The following SHROOM3 variants were observed in gnomAD, a reference collection of about 807,000 sequenced individuals.
SHROOM3 encodes shroom family member 3.
A neutral mutation model predicts 138.6 loss-of-function variants in SHROOM3; 47 were observed. That is an observed-to-expected ratio of 0.34 (90% CI 0.27 to 0.43). SHROOM3 has a LOEUF of 0.43. SHROOM3 is among the 20% of genes least tolerant of loss of function. SHROOM3 has a pLI of 1.00. For synonymous variants in SHROOM3, 1,062 were observed against 1,063.3 expected (o/e 1.00, Z 0.02); for missense variants, 2,491 against 2,596.5 (o/e 0.96, Z 0.88).
At chr4:76,593,654 G>A (rs1734321904) in intron 2 of SHROOM3, among the ~76,000 whole-genome samples, 1 of 152,176 alleles carries the variant, frequency 6.6e-6, no homozygotes, top group African/African-American at 2.4e-5. Context: ...GTGAGAACTT[G>A]ACTTCTAAGA....
intron 2 of SHROOM3, among the ~76,000 whole-genome samples, chr4:76,702,455 A>C (rs1444464087): frequency 6.6e-6 from 1 of 152,212 alleles, no homozygotes; most frequent in Non-Finnish European, 1.5e-5. Context: ...TATACATATT[A>C]ATTCATTCAA....
At chr4:76,658,175 A>G (rs1736105883) in intron 2 of SHROOM3, among the ~76,000 whole-genome samples, 1 of 152,368 alleles carries the variant, frequency 6.6e-6, no homozygotes, top group South Asian at 2.1e-4. Context: ...GCATCCACCG[A>G]CTGTGAGGAT....
intron 1 of SHROOM3, among the ~76,000 whole-genome samples, chr4:76,542,817 A>G (rs1733134085): frequency 1.3e-5 from 2 of 152,246 alleles, no homozygotes; most frequent in South Asian, 4.1e-4. Flanking sequence ...GGAAACTAAT[A>G]CAGTGGTAAA....
chr4:76,774,495 A>G (rs1021886059), intron 10 of SHROOM3, among the ~76,000 whole-genome samples: 1 of 152,158 alleles, frequency 6.6e-6, no homozygotes, highest in East Asian at 1.9e-4. Flanking sequence ...AAATTTTTTT[A>G]ATCTGCAGCC....
At chr4:76,667,548 A>C (rs1424516389) in intron 2 of SHROOM3, among the ~76,000 whole-genome samples, 1 of 152,062 alleles carries the variant, frequency 6.6e-6, no homozygotes, top group Non-Finnish European at 1.5e-5. Context: ...TCATGGGCTC[A>C]AGCAATCCTT....
At chr4:76,479,711 A>G (rs1009465856) in intron 1 of SHROOM3, among the ~76,000 whole-genome samples, 1 of 152,214 alleles carries the variant, frequency 6.6e-6, no homozygotes, top group Non-Finnish European at 1.5e-5. Context: ...GAAGGAAAAT[A>G]CGTTAAGGGC....
At chr4:76,528,236 T>A (rs1257916799) in intron 1 of SHROOM3, among the ~76,000 whole-genome samples, 1 of 152,200 alleles carries the variant, frequency 6.6e-6, no homozygotes, top group African/African-American at 2.4e-5. Flanking sequence ...CAATTTCTAC[T>A]TGGTAATAGA....
intron 2 of SHROOM3, among the ~76,000 whole-genome samples, chr4:76,615,015 C>G (rs2110063185): frequency 6.6e-6 from 1 of 152,280 alleles, no homozygotes; most frequent in East Asian, 1.9e-4. Context: ...GGAAAAATGA[C>G]TGTTGCCCTC....
chr4:76,769,961 T>C (rs1290292537), intron 9 of SHROOM3, among the ~76,000 whole-genome samples: 1 of 152,186 alleles, frequency 6.6e-6, no homozygotes, highest in East Asian at 1.9e-4. Context: ...CTGTTTACTC[T>C]ACCTGCCTAC....
chr4:76,665,979 T>C (rs1718681900), intron 2 of SHROOM3, among the ~76,000 whole-genome samples: 1 of 152,150 alleles, frequency 6.6e-6, no homozygotes. Context: ...ACTACAGAAA[T>C]CTTTAAGTGC....
intron 1 of SHROOM3, among the ~76,000 whole-genome samples, chr4:76,541,555 T>G (rs11097405): frequency 6.6e-6 from 1 of 151,700 alleles, no homozygotes; most frequent in African/African-American, 2.4e-5. Flanking sequence ...GGCAGGGGCT[T>G]GGGGAATTCA....
At chr4:76,446,541 TG>T (rs1730809665) in intron 1 of SHROOM3, among the ~76,000 whole-genome samples, 1 of 152,114 alleles carries the variant, frequency 6.6e-6, no homozygotes, top group African/African-American at 2.4e-5. Context: ...TCTGGTTGTT[TG>T]GGTGGGGTAT....
Position 76,462,944 on chromosome 4 carries a change from G to A in SHROOM3, c.168+26724G>A, listed in dbSNP as rs142836614. 3.9e-3 allele frequency among the ~76,000 whole-genome samples: 592 copies of A among 152,240 alleles called. 4 individuals carry two copies. The highest frequency in any genetic ancestry group is 0.013 in the African/African-American group (544 of 41,548). ...CTCAGGTAGTTCTTTATAGCAGTGC[G>A]AGAATGGACTAATATGGAAAATTGG... On this transcript the variant is annotated intron_variant, in intron 1 of 10. Transcript: ENST00000296043.
chr4:76,693,022 A>G (rs1241071533), intron 2 of SHROOM3, among the ~76,000 whole-genome samples: 1 of 152,260 alleles, frequency 6.6e-6, no homozygotes, highest in African/African-American at 2.4e-5. Context: ...CTTAGGTTCT[A>G]GAGTTACACA....
chr4:76,510,916 C>T (rs930479417), intron 1 of SHROOM3, among the ~76,000 whole-genome samples: 3 of 152,142 alleles, frequency 2.0e-5, no homozygotes, highest in African/African-American at 7.2e-5. Flanking sequence ...CACGGTGGCT[C>T]ACACCTGTAA....
Position 76,741,208 on chromosome 4 carries a change from C to A in SHROOM3, c.3035C>A (p.Thr1012Asn), listed in dbSNP as rs147732653. The A allele has an allele frequency of 7.8e-3, 12,529 of 1,606,956 alleles. 69 individuals are homozygous for A. The highest frequency in any genetic ancestry group is 0.018 in the Middle Eastern group (106 of 6,010). ...CGGAGAGGTGCTCGCCGGCGCCTGA[C>A]TCCCGAGCAGAAGAAGCGCTCCTAC... Reference protein sequence around the residue: ...AARRGARRRLTPEQKKRSYSE... With the variant: ...AARRGARRRLNPEQKKRSYSE... The change falls in exon 5 of 11, where the codon ACT becomes AAT. Residue 1012 changes from threonine (T) to asparagine (N), a missense_variant. Transcript: ENST00000296043. The surrounding 1 kb of genome is among the most constrained non-coding windows in gnomAD (Gnocchi z 6.2).
rs148697179 is a variant in SHROOM3 at position 76,724,530 on chromosome 4, G to A, written c.456-6274G>A. ...CTTTGCTTTTCAATAGGTAATACAT[G>A]CGTATAGTATAAAATTTGAAAAGTT... On this transcript the variant is annotated intron_variant, in intron 3 of 10. Coordinates refer to ENST00000296043, the MANE Select transcript of SHROOM3 (RefSeq NM_020859.4). 4.6e-5 allele frequency among the ~76,000 whole-genome samples: 7 copies of A among 152,130 alleles called. No homozygotes were observed. In the East Asian group the frequency reaches 1.2e-3, roughly 25 times the overall value.
chr4:76,467,045 GT>G (rs56163246), intron 1 of SHROOM3, among the ~76,000 whole-genome samples: 32 of 144,608 alleles, frequency 2.2e-4, no homozygotes, highest in Middle Eastern at 3.6e-3. Context: ...ACCCAGAAAA[GT>G]TTTTTTTTTT....
chr4:76,598,268 A>C (rs1435009396), intron 2 of SHROOM3, among the ~76,000 whole-genome samples: 7 of 151,968 alleles, frequency 4.6e-5, no homozygotes, highest in African/African-American at 1.2e-4. Context: ...CCTCGTGATC[A>C]GCCCACCTCG....
Sources: allele counts gnomAD v4.1 joint callset (sites outside exome capture counted in the v4.1 genomes callset), GRCh38; gene constraint gnomAD v4.1.1; non-coding constraint Gnocchi (gnomAD v3.1); transcripts MANE v1.5; gene names NCBI Gene and HGNC (gene_info 2026-07-23, HGNC 2026-07-21).